The following ITPK1 variants were observed in gnomAD, a reference collection of about 807,000 sequenced individuals.
ITPK1 encodes the protein inositol-tetrakisphosphate 1-kinase, also known as inositol 1,3,4-trisphosphate 5/6-kinase.
A neutral mutation model predicts 45.3 loss-of-function variants in ITPK1; 21 were observed. The observed-to-expected ratio is 0.46, with a 90% CI of 0.33 to 0.67. The LOEUF is 0.67. Ranked by LOEUF, ITPK1 falls within the 30% of genes least tolerant of loss-of-function variation. The pLI is 0.02. For synonymous variants in ITPK1, 258 were observed against 253.6 expected, an observed-to-expected ratio of 1.02 and a Z score of -0.16; for missense variants, 474 against 573.5, an observed-to-expected ratio of 0.83 and a Z score of 1.77.
chr14:92,971,193 C>T (rs1475863770), intron 5 of ITPK1, among the ~76,000 whole-genome samples: 5 of 152,214 alleles, frequency 3.3e-5, no homozygotes, highest in South Asian at 2.1e-4. Context: ...CTCCCCCACC[C>T]GACTGGGCAC....
At chr14:92,941,932 G>A (rs764512521) in intron 10 of ITPK1, 28 bp from the exon 11 acceptor site, 1 of 1,599,118 alleles carries the variant, frequency 6.3e-7, no homozygotes, top group African/African-American at 1.3e-5. Context: ...ACAGCACAAG[G>A]GGCGTGAGCC....
chr14:92,957,105 C>A (rs1264604665), intron 8 of ITPK1, among the ~76,000 whole-genome samples: 1 of 152,246 alleles, frequency 6.6e-6, no homozygotes, highest in Non-Finnish European at 1.5e-5. Context: ...ACTGCAGCCC[C>A]TCCATGCCGG....
intron 3 of ITPK1, among the ~76,000 whole-genome samples, chr14:93,028,846 T>C (rs573559003): frequency 2.0e-5 from 3 of 152,312 alleles, no homozygotes; most frequent in East Asian, 1.9e-4. Flanking sequence ...CTCCCTCCCA[T>C]TGAGAACACT....
intron 5 of ITPK1, among the ~76,000 whole-genome samples, chr14:92,992,716 G>A (rs1336214951): frequency 6.6e-6 from 1 of 152,246 alleles, no homozygotes; most frequent in Non-Finnish European, 1.5e-5. Flanking sequence ...TCTGGCCATG[G>A]ACATGAAAGT....
At chr14:93,045,642 G>A (rs1243497377) in intron 3 of ITPK1, among the ~76,000 whole-genome samples, 1 of 152,142 alleles carries the variant, frequency 6.6e-6, no homozygotes, top group East Asian at 1.9e-4. Context: ...ACTCCAGCCT[G>A]GGCAACACAG....
chr14:92,991,647 G>A (rs1042977790), intron 5 of ITPK1, among the ~76,000 whole-genome samples: 3 of 152,024 alleles, frequency 2.0e-5, no homozygotes, highest in Non-Finnish European at 4.4e-5. Flanking sequence ...CCAGGCGAGC[G>A]GGCAACAGAG....
intron 10 of ITPK1, 82 bp from the exon 11 acceptor site, chr14:92,941,986 G>A (rs1422970518): frequency 3.9e-5 from 47 of 1,216,966 alleles, no homozygotes; most frequent in East Asian, 3.4e-4. Context: ...AGGCAGAACC[G>A]ATGGGCTCCT....
intron 3 of ITPK1, chr14:93,071,020 T>C (rs1314258502): frequency 6.5e-6 from 1 of 153,796 alleles, no homozygotes; most frequent in Admixed American, 6.5e-5. Context: ...AAGTAGCCTC[T>C]CAAGACAGGA....
rs372265726 is a variant in ITPK1, at chr14:93,078,823, C to T, written c.96-2204G>A. ...GACGAGAAAACTGAAGGAAGCGTCA[C>T]TGACGGGAACCTGACCCAGGACACA... On this transcript the variant is annotated intron_variant, in intron 2 of 10. Transcript: ENST00000267615. 1.3e-3 allele frequency among the ~76,000 whole-genome samples: 197 copies of T among 152,324 alleles called. 8 individuals are homozygous for T. The South Asian group carries it at 0.04, about 31-fold the overall frequency.
intron 4 of ITPK1, among the ~76,000 whole-genome samples, chr14:93,006,686 TG>T (rs35531578): frequency 0.081 from 12,295 of 152,158 alleles, 582 homozygotes; most frequent in South Asian, 0.22. Context: ...ACAGGCTCTC[TG>T]GGGGGGAAAC....
chr14:92,945,821 T>C (rs12437283), intron 10 of ITPK1, among the ~76,000 whole-genome samples: 54,731 of 151,928 alleles, frequency 0.36, 10,528 homozygotes, highest in East Asian at 0.56. Flanking sequence ...GGGAACAGAC[T>C]CCATAGCCCA....
At chr14:93,015,953 A>G (rs3783904) in intron 4 of ITPK1, among the ~76,000 whole-genome samples, 41,557 of 152,126 alleles carry the variant, frequency 0.27, 5,968 homozygotes, top group Admixed American at 0.36. Context: ...CACTAGGCAC[A>G]CCTGAAAACA....
At chr14:93,025,710 C>T (rs986145711) in intron 3 of ITPK1, among the ~76,000 whole-genome samples, 17 of 152,246 alleles carry the variant, frequency 1.1e-4, no homozygotes, top group African/African-American at 4.1e-4. Flanking sequence ...CTTTTTCCCA[C>T]ATTGTTTTAA....
chr14:92,992,031 C>T (rs549182056), intron 5 of ITPK1, among the ~76,000 whole-genome samples: 7 of 152,330 alleles, frequency 4.6e-5, no homozygotes, highest in African/African-American at 1.4e-4. Context: ...TCCGAGACCA[C>T]GTGGCTAACA....
At chr14:93,013,449 T>C (rs1888019244) in intron 4 of ITPK1, among the ~76,000 whole-genome samples, 1 of 152,162 alleles carries the variant, frequency 6.6e-6, no homozygotes, top group African/African-American at 2.4e-5. Flanking sequence ...TGGGAATTTC[T>C]TCCCTCCCTG....
intron 4 of ITPK1, among the ~76,000 whole-genome samples, chr14:92,996,903 T>A (rs955540825): frequency 6.6e-6 from 1 of 152,178 alleles, no homozygotes; most frequent in Non-Finnish European, 1.5e-5. Context: ...AGAGTCTCAG[T>A]CTCCTCATCT....
At chr14:93,107,076 GCGTCCCAAGTA>G (rs1892556962) in intron 2 of ITPK1, among the ~76,000 whole-genome samples, 1 of 152,044 alleles carries the variant, frequency 6.6e-6, no homozygotes, top group Non-Finnish European at 1.5e-5. Context: ...TCCTGCCTCA[GCGTCCCAAGTA>G]GCTGGGATAA....
At chr14:93,050,499 A>C (rs1437660152) in intron 3 of ITPK1, among the ~76,000 whole-genome samples, 1 of 152,172 alleles carries the variant, frequency 6.6e-6, no homozygotes, top group Non-Finnish European at 1.5e-5. Context: ...GAGAGGAGCA[A>C]GGGCTGATGG....
Position 93,075,362 on chromosome 14 carries a change from G to A in ITPK1, c.120+1233C>T, listed in dbSNP as rs867957580. On this transcript the variant is annotated intron_variant, in intron 3 of 10. Coordinates refer to ENST00000267615, the MANE Select transcript of ITPK1 (RefSeq NM_014216.6). ...AAAAAAAAAAAAAAAAAAAAAAAAAGGAAGAGAAAAAAGAAAAATCTAGTG... is the reference window on the plus strand; with the variant it reads ...AAAAAAAAAAAAAAAAAAAAAAAAAAGAAGAGAAAAAAGAAAAATCTAGTG... 7.2e-3 allele frequency among the ~76,000 whole-genome samples: 731 copies of A among 102,054 alleles called. 11 individuals carry two copies. The highest frequency in any genetic ancestry group is 0.028 in the African/African-American group (690 of 25,084). The allele number at this position is 102,054 out of a possible 152,430, so 67.0% of individuals were successfully genotyped here. A position where few individuals can be genotyped will look rare whatever the true frequency, so the allele number is the denominator to read the frequency against.
Sources: allele counts gnomAD v4.1 joint callset (sites outside exome capture counted in the v4.1 genomes callset), GRCh38; gene constraint gnomAD v4.1.1; transcripts MANE v1.5; gene names NCBI Gene and HGNC (gene_info 2026-07-23, HGNC 2026-07-21).